SIGIRR: variants seen among roughly 807,000 people sequenced by gnomAD.
The protein encoded by SIGIRR is single Ig IL-1-related receptor.
In SIGIRR, 41 loss-of-function variants were observed where a neutral mutation model predicts 45.6. The observed-to-expected ratio is 0.90, with a 90% CI of 0.70 to 1.17. The LOEUF (loss-of-function observed/expected upper bound fraction) is 1.17, where lower values mean the gene tolerates loss of function less well. SIGIRR is among the 50% of genes most tolerant of loss of function. The pLI is 0.00. For missense variants in SIGIRR, 599 were observed against 539.6 expected (o/e 1.11, Z -1.09); for synonymous variants, 298 against 239.0 (o/e 1.25, Z -2.28).
At position 407,498 on chromosome 11, in the gene SIGIRR, G is replaced by A; in HGVS notation, c.552C>T (p.Ile184=). The part of the protein sequence containing the change: ...CPEDRKFVNF[I]LKPQLERRRG... ...GACGCCGCTCCAGCTGCGGCTTTAG[G>A]ATGAAGTTCACGAACTTGCGGTCCT... Residue 184 remains isoleucine, a synonymous_variant, in exon 6 of 10, where the codon ATC becomes ATT. Coordinates refer to ENST00000431843, the MANE Select transcript of SIGIRR (RefSeq NM_001135054.2). The A allele has an allele frequency of 6.2e-7, 1 of 1,603,310 alleles. No homozygotes were observed. Among genetic ancestry groups the A allele is most frequent in the Non-Finnish European group, 8.5e-7 (1 of 1,175,664 alleles).
rs1241915805 is a variant in SIGIRR at position 406,192 on chromosome 11, G to A, written c.1070-133C>T. 7 of 1,537,836 alleles carry A rather than the reference G, an allele frequency of 4.6e-6. 1 individual carries two copies. The South Asian group carries it at 7.1e-5, about 16-fold the overall frequency. ...CCAGGAAGTTCCCAGGCAGACCGAGGGCCGAGCACCTCCAGGGCAGAGGCC... is the reference window on the plus strand; with the variant it reads ...CCAGGAAGTTCCCAGGCAGACCGAGAGCCGAGCACCTCCAGGGCAGAGGCC... On this transcript the variant is annotated intron_variant, in intron 9 of 9. Transcript: ENST00000431843.
chr11:407,828 A>T lies in SIGIRR; in HGVS notation c.470T>A (p.Val157Glu). 1 of 1,611,652 alleles carries T rather than the reference A, an allele frequency of 6.2e-7. No homozygotes were observed. Among genetic ancestry groups the T allele is most frequent in the Non-Finnish European group, 8.5e-7 (1 of 1,179,632 alleles). ...LLWYQDAYGE[V>E]EINDGKLYDA... Reference sequence around the variant, plus strand: ...CGGGCCCCACGCACCGTTTATCTCCACCTCCCCATACGCGTCCTGGTACCA... The same window carrying T: ...CGGGCCCCACGCACCGTTTATCTCCTCCTCCCCATACGCGTCCTGGTACCA... Residue 157 changes from valine (V) to glutamate (E), a missense_variant, in exon 5 of 10, where the codon GTG becomes GAG. Transcript: ENST00000431843.
rs1385298974 is a variant in SIGIRR, at chr11:407,891, G to A, written c.407C>T (p.Ala136Val). 1.2e-6 allele frequency: 2 copies of A among 1,612,378 alleles called. No homozygotes were observed. The highest frequency in any genetic ancestry group is 2.7e-5 in the African/African-American group (2 of 74,930). The part of the protein sequence containing the change: ...LLVLLALLLA[A>V]LLYVKCRLNV... ...GAGACGGCACTTGACATAGAGCAGG[G>A]CGGCCAGCAGCAGGGCCAGCAGGAC... The change falls in exon 5 of 10, where the codon GCC becomes GTC. Residue 136 changes from alanine (A) to valine (V), a missense_variant. By Grantham distance (64) the Ala-to-Val change is moderately conservative. Transcript: ENST00000431843.
chr11:406,783 CG>C, intron 8 of SIGIRR, 59 bp downstream of exon 8: 1 of 1,452,670 alleles, frequency 6.9e-7, no homozygotes. Context: ...GCCTGGAGCC[CG>C]GGCACCGCCC....
chr11:407,390 C>CGGGT, intron 6 of SIGIRR, 35 bp downstream of exon 6: 1 of 1,005,366 alleles, frequency 9.9e-7, no homozygotes, highest in Non-Finnish European at 1.3e-6. Context: ...GCGGGCCCTC[C>CGGGT]GGGTGGGCGG....
At chr11:410,164 A>G (rs1279585999) in intron 1 of SIGIRR, 137 bp from the exon 2 acceptor site, 3 of 762,434 alleles carry the variant, frequency 3.9e-6, no homozygotes, top group Non-Finnish European at 5.4e-6. Flanking sequence ...CTCGGAGGCC[A>G]GCAGGGTGTC....
chr11:409,529 T>C (rs1488837979), intron 2 of SIGIRR: 2 of 377,844 alleles, frequency 5.3e-6, no homozygotes, highest in Non-Finnish European at 9.5e-6. Context: ...TAGCGGGAGG[T>C]CAAACCACCA....
rs750713561 is a variant in SIGIRR at position 407,827 on chromosome 11, C to T, written c.471G>A (p.Val157=). The T allele has an allele frequency of 4.3e-6, 7 of 1,612,582 alleles. No homozygotes were observed. In the East Asian group the frequency reaches 1.6e-4, roughly 36 times the overall value. Residue 157 remains valine, a synonymous_variant, in exon 5 of 10, where the codon GTG becomes GTA. Transcript: ENST00000431843. ...GCGGGCCCCACGCACCGTTTATCTC[C>T]ACCTCCCCATACGCGTCCTGGTACC... is the stretch of plus-strand genomic sequence containing the variant. ...LLWYQDAYGE[V]EINDGKLYDA...
At chr11:413,240 C>A (rs1344077265) in intron 1 of SIGIRR, among the ~76,000 whole-genome samples, 1 of 152,102 alleles carries the variant, frequency 6.6e-6, no homozygotes, top group African/African-American at 2.4e-5. Context: ...ATGGGTGAAG[C>A]ACAGCCAGAG....
Position 407,673 on chromosome 11 carries a change from C to T in SIGIRR, c.482-105G>A. The T allele has an allele frequency of 3.9e-6, 6 of 1,558,180 alleles. No homozygotes were observed. In the South Asian group the frequency reaches 7.1e-5, roughly 18 times the overall value. On this transcript the variant is annotated intron_variant, in intron 5 of 9. Coordinates refer to ENST00000431843, the MANE Select transcript of SIGIRR (RefSeq NM_001135054.2). ...TCCCACGTGCACAGGGGCAGACCCG[C>T]CCCGGACTTTAACCCCAGCCGGGCC...
intron 4 of SIGIRR, 55 bp from the exon 5 acceptor site, chr11:408,012 T>G: frequency 2.5e-6 from 4 of 1,605,482 alleles, no homozygotes; most frequent in Non-Finnish European, 3.4e-6. Context: ...AGCCTCAAGA[T>G]CCCTGGGCCT....
In SIGIRR at chr11:409,914, A is replaced by C; in HGVS notation, c.-40T>G. The C allele has an allele frequency of 7.7e-7, 1 of 1,297,214 alleles. No homozygotes were observed. The highest frequency in any genetic ancestry group is 3.1e-5 in the East Asian group (1 of 32,752). The allele number at this position is 1,297,214 out of a possible 1,614,324, so 80.4% of individuals were successfully genotyped here. A position where few individuals can be genotyped will look rare whatever the true frequency, so the allele number is the denominator to read the frequency against. On this transcript the variant is annotated 5_prime_UTR_variant, in exon 2 of 10. Transcript: ENST00000431843. ...GCCTCCTCGGGGCAGGCTGGGCTCC[A>C]GGGTCACCCCTGGCTCCACCGGGCT...
At chr11:407,762 C>A (rs566469099) in intron 5 of SIGIRR, 55 bp downstream of exon 5, 14 of 1,607,784 alleles carry the variant, frequency 8.7e-6, no homozygotes, top group African/African-American at 1.3e-5. Flanking sequence ...CTCAGCAGCG[C>A]ACTCTCAGGG....
Position 407,832 on chromosome 11 carries a change from C to A in SIGIRR, c.466G>T (p.Glu156Ter). Residue 156 changes from glutamate to a stop codon, truncating the protein, a stop_gained, in exon 5 of 10, where the codon GAG (glutamate) becomes TAG (stop). Coordinates refer to ENST00000431843, the MANE Select transcript of SIGIRR (RefSeq NM_001135054.2). LOFTEE classifies it high-confidence loss of function. ...CCCCACGCACCGTTTATCTCCACCT[C>A]CCCATACGCGTCCTGGTACCAGAGC... The part of the protein sequence containing the change: ...VLLWYQDAYG[E>*]VEINDGKLYD... 1 of 1,612,596 alleles carries A rather than the reference C, an allele frequency of 6.2e-7. No homozygotes were observed.
intron 3 of SIGIRR, among the ~76,000 whole-genome samples, 192 bp downstream of exon 3, chr11:408,503 G>A (rs1847453956): frequency 6.6e-6 from 1 of 152,190 alleles, no homozygotes; most frequent in South Asian, 2.1e-4. Context: ...GTTACGAGGT[G>A]TGTGCCTACA....
chr11:407,443 C>T lies in SIGIRR; in HGVS notation c.607G>A (p.Asp203Asn). ...RGYKLFLDDR[D>N]LLPRAEPSAD... ...GGGATACCAGCGCGCGGCAGGAGGT[C>T]GCGGTCGTCCAGGAAGAGCTTGTAG... The change falls in exon 6 of 10, where the codon GAC becomes AAC. Residue 203 changes from aspartate to asparagine, a missense_variant. Transcript: ENST00000431843. 1.3e-6 allele frequency: 2 copies of T among 1,552,074 alleles called. No homozygotes were observed. The highest frequency in any genetic ancestry group is 1.7e-6 in the Non-Finnish European group (2 of 1,148,272).
In SIGIRR at chr11:406,527, G is replaced by T. The variant is rs926158344; in HGVS notation, c.891C>A (p.Ser297=). 2 of 1,608,744 alleles carry T rather than the reference G, an allele frequency of 1.2e-6. No individual in the cohort carries two copies. The highest frequency in any genetic ancestry group is 2.2e-5 in the South Asian group (2 of 91,004). ...CCAGCTGCACTTCTTTCCAAAAATCGGAGGAAGGAGTCTGGGGGCCAGGTC... is the reference window on the plus strand; with the variant it reads ...CCAGCTGCACTTCTTTCCAAAAATCTGAGGAAGGAGTCTGGGGGCCAGGTC... The part of the protein sequence containing the change: ...LWRPGSVTPS[S]DFWKEVQLAL... The change falls in exon 9 of 10, where the codon TCC becomes TCA. Residue 297 remains serine (S), a synonymous_variant. Transcript: ENST00000431843.
chr11:407,399 G>A (rs1166716574), intron 6 of SIGIRR, 26 bp downstream of exon 6: 11 of 1,513,722 alleles, frequency 7.3e-6, no homozygotes, highest in Non-Finnish European at 9.7e-6. Flanking sequence ...CCGGGTGGGC[G>A]GGGCACGGGG....
intron 6 of SIGIRR, 95 bp from the exon 7 acceptor site, chr11:407,259 A>AT (rs1847370186): frequency 1.9e-6 from 1 of 540,408 alleles, no homozygotes; most frequent in African/African-American, 6.0e-5. Flanking sequence ...GCTCTAAGGG[A>AT]GGGGCGGGGC....
Sources: allele counts gnomAD v4.1 joint callset (sites outside exome capture counted in the v4.1 genomes callset), GRCh38; gene constraint gnomAD v4.1.1; transcripts MANE v1.5; gene names NCBI Gene and HGNC (gene_info 2026-07-23, HGNC 2026-07-21).